ZNF718: variants seen among roughly 807,000 people sequenced by gnomAD.
ZNF718 encodes zinc finger protein 718.
ZNF718 carries 3 observed loss-of-function variants against 2.6 expected under a neutral mutation model. That is an observed-to-expected ratio of 1.16 (90% CI 0.53 to 3.01). The LOEUF (loss-of-function observed/expected upper bound fraction) is 3.01. Among genes scored for constraint, ZNF718 ranks in the 30% most tolerant of loss-of-function variants. The pLI is 0.03. For missense variants in ZNF718, 468 were observed against 230.0 expected, an observed-to-expected ratio of 2.03 and a Z score of -6.69; for synonymous variants, 135 against 77.9, an observed-to-expected ratio of 1.73 and a Z score of -3.86.
At chr4:147,171 A>G (rs560993401) in intron 3 of ZNF718, among the ~76,000 whole-genome samples, 1 of 152,200 alleles carries the variant, frequency 6.6e-6, no homozygotes, top group South Asian at 2.1e-4. Context: ...GGCTTTCACC[A>G]TGTTGGTCAG....
At chr4:137,377 A>G (rs1037266763) in intron 3 of ZNF718, among the ~76,000 whole-genome samples, 1 of 152,246 alleles carries the variant, frequency 6.6e-6, no homozygotes, top group Non-Finnish European at 1.5e-5. Flanking sequence ...TAGGATGCTC[A>G]GAAGTAGAAT....
chr4:137,001 A>G (rs1715598278), intron 3 of ZNF718, among the ~76,000 whole-genome samples: 1 of 152,050 alleles, frequency 6.6e-6, no homozygotes, highest in Admixed American at 6.5e-5. Flanking sequence ...TGAATGGTTA[A>G]CACCATCCCC....
intron 3 of ZNF718, among the ~76,000 whole-genome samples, chr4:160,208 G>C (rs548962921): frequency 6.6e-6 from 1 of 152,170 alleles, no homozygotes; most frequent in African/African-American, 2.4e-5. Flanking sequence ...GTAGGAATGC[G>C]TGTGTCACTA....
intron 3 of ZNF718, among the ~76,000 whole-genome samples, chr4:144,532 A>C (rs1387222335): frequency 6.6e-6 from 1 of 152,070 alleles, no homozygotes; most frequent in East Asian, 1.9e-4. Flanking sequence ...TGTTTTTCCT[A>C]TTTCTGTGAA....
At chr4:185,237 T>C (rs1003040988) in intron 3 of ZNF718, among the ~76,000 whole-genome samples, 2 of 152,200 alleles carry the variant, frequency 1.3e-5, no homozygotes, top group South Asian at 2.1e-4. Context: ...CTTCTTGATA[T>C]TTGCCTTAAT....
intron 3 of ZNF718, among the ~76,000 whole-genome samples, chr4:154,485 C>G (rs1427427060): frequency 3.9e-5 from 6 of 152,108 alleles, no homozygotes; most frequent in African/African-American, 1.4e-4. Flanking sequence ...AAATCCAGTC[C>G]AAGGTGCTCT....
Position 161,659 on chromosome 4 carries a change from A to G in ZNF718, c.974A>G (p.Asp325Gly), listed in dbSNP as rs781886559. 4.2e-5 allele frequency: 33 copies of G among 779,422 alleles called. 1 individual carries two copies. Among genetic ancestry groups the G allele is most frequent in the South Asian group, 3.8e-4 (28 of 74,516 alleles). The allele number at this position is 779,422 out of a possible 1,614,324, so 48.3% of individuals were successfully genotyped here. Residue 325 changes from aspartate (D) to glycine (G), a missense_variant, in exon 4 of 4, where the codon GAC becomes GGC. Physicochemically the swap from Asp to Gly is moderately conservative, Grantham distance 94. Coordinates refer to ENST00000510175, the MANE Select transcript of ZNF718 (RefSeq NM_001039127.6). ...ECGNVFTTSS[D>G]FAKHKRIHTG... ...GGCAATGTCTTTACCACATCCTCAG[A>G]CTTTGCTAAACATAAGAGAATTCAT... is the stretch of plus-strand genomic sequence containing the variant.
intron 3 of ZNF718, among the ~76,000 whole-genome samples, chr4:198,273 C>G (rs1325198220): frequency 9.9e-5 from 15 of 152,188 alleles, no homozygotes; most frequent in African/African-American, 3.4e-4. Context: ...ACTATGCACT[C>G]CTGGCAGAGG....
At chr4:173,637 TG>T (rs1485570032) in intron 3 of ZNF718, among the ~76,000 whole-genome samples, 4 of 152,172 alleles carry the variant, frequency 2.6e-5, no homozygotes, top group Non-Finnish European at 5.9e-5. Context: ...CTGTTAAATA[TG>T]GGTCGCAGGT....
intron 3 of ZNF718, among the ~76,000 whole-genome samples, chr4:139,880 A>T (rs1715734108): frequency 6.6e-6 from 1 of 152,156 alleles, no homozygotes; most frequent in Non-Finnish European, 1.5e-5. Flanking sequence ...TGTGAAACTA[A>T]TGGGTTTCCG....
At chr4:125,065 A>C in intron 1 of ZNF718, 1 of 168,360 alleles carries the variant, frequency 5.9e-6, no homozygotes, top group Non-Finnish European at 1.3e-5. Context: ...GGACTTATTA[A>C]TGGGAAAGCT....
intron 3 of ZNF718, chr4:149,915 AT>A: frequency 6.6e-6 from 1 of 152,224 alleles, no homozygotes; most frequent in African/African-American, 2.4e-5. Flanking sequence ...AACATTTTCA[AT>A]TGTACGGTCT....
chr4:183,354 T>C (rs550227835), intron 3 of ZNF718, among the ~76,000 whole-genome samples: 2 of 152,284 alleles, frequency 1.3e-5, no homozygotes, highest in South Asian at 2.1e-4. Context: ...GTTCCATTGG[T>C]CTATCTGTCC....
At position 161,838 on chromosome 4, in the gene ZNF718, C is replaced by G; in HGVS notation, c.1153C>G (p.His385Asp). The change falls in exon 4 of 4, where the codon CAC becomes GAC. Residue 385 changes from histidine to aspartate, a missense_variant. His to Asp is a moderately conservative substitution (Grantham distance 81, BLOSUM62 -1). Coordinates refer to ENST00000510175, the MANE Select transcript of ZNF718 (RefSeq NM_001039127.6). ...AFNWSSTLNV[H>D]KRIHSGKNPY... ...TAATTGGTCCTCAACCCTTAATGTA[C>G]ACAAGAGAATTCACTCTGGAAAAAA... The G allele has an allele frequency of 1.3e-6, 1 of 780,784 alleles. No individual in the cohort carries two copies. Among genetic ancestry groups the G allele is most frequent in the South Asian group, 1.3e-5 (1 of 74,610 alleles). 48.4% of individuals were successfully genotyped at this position (780,784 alleles called of 1,614,324 possible).
rs576462927 is a variant in ZNF718, at chr4:161,920, A to C, written c.1235A>C (p.Asn412Thr). The C allele has an allele frequency of 1.0e-5, 8 of 780,092 alleles. No homozygotes were observed. The highest frequency in any genetic ancestry group is 1.9e-5 in the Non-Finnish European group (8 of 417,660). The allele number at this position is 780,092 out of a possible 1,614,324, so 48.3% of individuals were successfully genotyped here. A position where few individuals can be genotyped will look rare whatever the true frequency, so the allele number is the denominator to read the frequency against. ...TTTAAAGTGTTTGCAAACCTGCATA[A>C]TCATAAGAAAATTCATACTGGAGAG... The part of the protein sequence containing the change: ...KAFKVFANLH[N>T]HKKIHTGEKP... The change falls in exon 4 of 4, where the codon AAT (asparagine) becomes ACT (threonine). Residue 412 changes from asparagine to threonine, a missense_variant. Asn to Thr is a moderately conservative substitution (Grantham distance 65). Transcript: ENST00000510175.
chr4:149,146 T>C (rs989277874), intron 3 of ZNF718, among the ~76,000 whole-genome samples: 5 of 152,252 alleles, frequency 3.3e-5, no homozygotes, highest in Non-Finnish European at 5.9e-5. Context: ...TGTTTCACTT[T>C]CTGATATGTT....
chr4:182,102 T>A (rs1553819896), intron 3 of ZNF718, among the ~76,000 whole-genome samples: 1 of 152,210 alleles, frequency 6.6e-6, no homozygotes, highest in Non-Finnish European at 1.5e-5. Flanking sequence ...TCTTTGCTAT[T>A]ATGAGTGGTG....
intron 3 of ZNF718, among the ~76,000 whole-genome samples, chr4:159,385 A>T (rs1553814443): frequency 6.8e-6 from 1 of 146,298 alleles, no homozygotes; most frequent in African/African-American, 2.5e-5. Context: ...TGACATCTGG[A>T]ATTTTTTTTT....
At position 175,958 on chromosome 4, in the gene ZNF718, G is replaced by T. The variant is rs541039403; in HGVS notation, c.227-25123G>T. 1.4e-4 allele frequency among the ~76,000 whole-genome samples: 21 copies of T among 145,160 alleles called. No homozygotes were observed. In the East Asian group the frequency reaches 4.1e-3, roughly 29 times the overall value. Reference sequence around the variant, plus strand: ...TGCAAGCTCCGCCTCCCAGGTTCATGCCATTCTCCTGCCTCAGCCTCCCAA... The same window carrying T: ...TGCAAGCTCCGCCTCCCAGGTTCATTCCATTCTCCTGCCTCAGCCTCCCAA... On this transcript the variant is annotated intron_variant and NMD_transcript_variant, in intron 3 of 4. Transcript: ENST00000642529.
Sources: gnomAD v4.1 joint callset for allele counts (sites outside exome capture counted in the v4.1 genomes callset) on GRCh38, gnomAD v4.1.1 for gene constraint, MANE v1.5 for transcripts, NCBI Gene and HGNC (gene_info 2026-07-23, HGNC 2026-07-21) for gene names.